FAM135B: variants seen among roughly 807,000 people sequenced by gnomAD.
FAM135B encodes the protein family with sequence similarity 135 member B.
A neutral mutation model predicts 127.7 loss-of-function variants in FAM135B; 43 were observed. The ratio of observed to expected loss-of-function variants is 0.34; its 90% confidence interval spans 0.26 to 0.43. FAM135B has a LOEUF of 0.43. Among genes scored for constraint, FAM135B ranks in the 20% least tolerant of loss-of-function variants. The pLI, the probability that FAM135B is intolerant of heterozygous loss-of-function variation, is 1.00. For synonymous variants in FAM135B, 670 were observed against 665.1 expected, an observed-to-expected ratio of 1.01 and a Z score of -0.11; for missense variants, 1,558 against 1,725.6, an observed-to-expected ratio of 0.90 and a Z score of 1.72.
At chr8:138,195,492 T>C (rs946284104) in intron 8 of FAM135B, among the ~76,000 whole-genome samples, 185 bp from the exon 9 acceptor site, 5 of 139,918 alleles carry the variant, frequency 3.6e-5, no homozygotes, top group African/African-American at 8.9e-5. Context: ...ATGAACCTGA[T>C]TGGAGCCATG....
intron 13 of FAM135B, 41 bp downstream of exon 13, chr8:138,151,153 A>T (rs2130718623): frequency 6.9e-7 from 1 of 1,442,230 alleles, no homozygotes; most frequent in Admixed American, 2.6e-5. Flanking sequence ...GAAAAATCTA[A>T]AAGACTGTTG....
intron 11 of FAM135B, among the ~76,000 whole-genome samples, chr8:138,175,524 T>G (rs78187061): frequency 6.6e-6 from 1 of 152,248 alleles, no homozygotes; most frequent in Non-Finnish European, 1.5e-5. Flanking sequence ...TTGGAGCCCA[T>G]TCACGCTGGT....
At chr8:138,275,365 C>T (rs1414918643) in intron 3 of FAM135B, among the ~76,000 whole-genome samples, 2 of 152,102 alleles carry the variant, frequency 1.3e-5, no homozygotes, top group Non-Finnish European at 2.9e-5. Context: ...GCTCTTACCA[C>T]CTATTTGTCT....
intron 7 of FAM135B, among the ~76,000 whole-genome samples, chr8:138,208,142 G>C (rs1290067976): frequency 6.6e-6 from 1 of 152,186 alleles, no homozygotes; most frequent in East Asian, 1.9e-4. Flanking sequence ...TATCACCCAG[G>C]GTGCTCAGGA....
chr8:138,401,473 G>T (rs7826096), intron 1 of FAM135B, among the ~76,000 whole-genome samples: 5 of 152,020 alleles, frequency 3.3e-5, no homozygotes, highest in Non-Finnish European at 5.9e-5. Context: ...AGGAGGCACA[G>T]GGCACTCACG....
At chr8:138,299,424 G>A (rs1446664844) in intron 3 of FAM135B, among the ~76,000 whole-genome samples, 1 of 152,108 alleles carries the variant, frequency 6.6e-6, no homozygotes, top group Non-Finnish European at 1.5e-5. Context: ...CCCAGCAGAG[G>A]TGGACCCAAC....
chr8:138,369,931 T>C (rs1396770125), intron 1 of FAM135B, among the ~76,000 whole-genome samples: 1 of 152,170 alleles, frequency 6.6e-6, no homozygotes, highest in Admixed American at 6.5e-5. Flanking sequence ...TGATCTCTGA[T>C]CCTGGGGAGG....
intron 3 of FAM135B, among the ~76,000 whole-genome samples, chr8:138,281,070 T>G (rs1377736488): frequency 2.6e-5 from 4 of 151,998 alleles, no homozygotes; most frequent in African/African-American, 9.7e-5. Context: ...CCCAATTAGG[T>G]GATTACATTC....
At chr8:138,198,977 T>C (rs6577883) in intron 7 of FAM135B, among the ~76,000 whole-genome samples, 112,810 of 152,144 alleles carry the variant, frequency 0.74, 42,249 homozygotes, top group East Asian at 0.82. Flanking sequence ...GGCCACCTTG[T>C]CTGCCTGCTG....
At chr8:138,351,160 C>T (rs1382365055) in intron 2 of FAM135B, among the ~76,000 whole-genome samples, 1 of 152,146 alleles carries the variant, frequency 6.6e-6, no homozygotes, top group Non-Finnish European at 1.5e-5. Context: ...GCAGATGTCA[C>T]CTGTACAGGC....
At chr8:138,246,843 C>T in intron 6 of FAM135B, among the ~76,000 whole-genome samples, 1 of 152,186 alleles carries the variant, frequency 6.6e-6, no homozygotes, top group East Asian at 1.9e-4. Context: ...GGGACTGTAC[C>T]CTGCAAAGTC....
intron 3 of FAM135B, among the ~76,000 whole-genome samples, chr8:138,266,805 C>T (rs1244619003): frequency 4.4e-5 from 4 of 91,288 alleles, no homozygotes; most frequent in Non-Finnish European, 9.3e-5. Context: ...CACACACATA[C>T]ACACACGCAC....
In FAM135B at chr8:138,257,962, T is replaced by C. The variant is rs997591825; in HGVS notation, c.298-1203A>G. Among the ~76,000 whole-genome samples, 11 of 152,106 alleles carry C rather than the reference T, an allele frequency of 7.2e-5. 1 individual carries two copies. The highest frequency in any genetic ancestry group is 1.3e-4 in the Admixed American group (2 of 15,280). On this transcript the variant is annotated intron_variant, in intron 4 of 19. Transcript: ENST00000395297. ...TGCTGGGCTGGCATTTAGAAACTCA[T>C]TTGGAAACTGTTCAGATCAGGTAAT...
chr8:138,421,857 G>A (rs139052333), intron 1 of FAM135B, among the ~76,000 whole-genome samples: 1 of 152,208 alleles, frequency 6.6e-6, no homozygotes, highest in East Asian at 1.9e-4. Flanking sequence ...AAAAGCTAGA[G>A]GCATTACATT....
At chr8:138,478,345 A>G (rs754147327) in intron 1 of FAM135B, among the ~76,000 whole-genome samples, 1 of 152,070 alleles carries the variant, frequency 6.6e-6, no homozygotes, top group African/African-American at 2.4e-5. Context: ...CTTTTTCCCC[A>G]TGAGCTTCAC....
chr8:138,325,866 G>A (rs779353133), intron 2 of FAM135B, among the ~76,000 whole-genome samples: 104 of 152,270 alleles, frequency 6.8e-4, no homozygotes, highest in Non-Finnish European at 1.1e-3. Context: ...ATCTTCTGGA[G>A]TTGATATAGA....
At chr8:138,357,829 C>T (rs780166577) in intron 2 of FAM135B, among the ~76,000 whole-genome samples, 10 of 152,044 alleles carry the variant, frequency 6.6e-5, no homozygotes, top group Non-Finnish European at 1.3e-4. Flanking sequence ...TCTTTAGAAA[C>T]GTGGCATTTT....
intron 1 of FAM135B, among the ~76,000 whole-genome samples, chr8:138,401,482 C>A (rs543775339): frequency 6.6e-6 from 1 of 152,182 alleles, no homozygotes; most frequent in Non-Finnish European, 1.5e-5. Context: ...AGGGCACTCA[C>A]GTCGCCTTTC....
intron 6 of FAM135B, among the ~76,000 whole-genome samples, chr8:138,247,490 G>T (rs13271887): frequency 2.6e-5 from 4 of 151,642 alleles, no homozygotes; most frequent in South Asian, 2.1e-4. Context: ...ATGTGAAGAA[G>T]GATGTGTTTA....
Sources: gnomAD v4.1 joint callset for allele counts (sites outside exome capture counted in the v4.1 genomes callset) on GRCh38, gnomAD v4.1.1 for gene constraint, MANE v1.5 for transcripts, NCBI Gene and HGNC (gene_info 2026-07-23, HGNC 2026-07-21) for gene names.